The following BLK variants were observed in gnomAD, a reference collection of about 807,000 sequenced individuals.
BLK encodes the protein tyrosine-protein kinase Blk.
Under a neutral mutation model 61.8 loss-of-function variants are expected in BLK, and 64 were observed. The observed-to-expected ratio is 1.03, with a 90% CI of 0.85 to 1.27. The LOEUF (loss-of-function observed/expected upper bound fraction) is 1.27. BLK is among the 50% of genes most tolerant of loss of function. The pLI is 0.00. For missense variants in BLK, 853 were observed against 660.5 expected (o/e 1.29, Z -3.19); for synonymous variants, 351 against 272.0 (o/e 1.29, Z -2.86).
At chr8:11,534,981 C>G (rs1280228691) in intron 1 of BLK, among the ~76,000 whole-genome samples, 1 of 152,128 alleles carries the variant, frequency 6.6e-6, no homozygotes, top group Non-Finnish European at 1.5e-5. Context: ...CAAGACCAGC[C>G]TGGGCAACAT....
Position 11,550,266 on chromosome 8 carries a change from G to A in BLK, c.472+4G>A, listed in dbSNP as rs1800842978. ...AGAGAGAGTGAAACCAACAAAGGTA[G>A]GCTTGGTGGCTTTGCCTGCCTTCCT... On this transcript the variant is annotated splice_donor_region_variant and intron_variant, in intron 6 of 12. Transcript: ENST00000259089. 6.2e-7 allele frequency: 1 copy of A among 1,613,564 alleles called. No individual in the cohort carries two copies. Among genetic ancestry groups the A allele is most frequent in the Non-Finnish European group, 8.5e-7 (1 of 1,179,840 alleles).
At chr8:11,495,336 T>C (rs1585309193) in intron 1 of BLK, among the ~76,000 whole-genome samples, 1 of 152,136 alleles carries the variant, frequency 6.6e-6, no homozygotes, top group African/African-American at 2.4e-5. Context: ...ATTGCTGTGA[T>C]ATGTGCATAT....
At chr8:11,518,754 A>T (rs976772455) in intron 1 of BLK, among the ~76,000 whole-genome samples, 4 of 152,026 alleles carry the variant, frequency 2.6e-5, no homozygotes, top group Non-Finnish European at 5.9e-5. Flanking sequence ...ACCCTTCCCC[A>T]GCTGGTCTCT....
chr8:11,553,932 G>A (rs987118502), intron 6 of BLK, among the ~76,000 whole-genome samples: 1 of 152,126 alleles, frequency 6.6e-6, no homozygotes, highest in Admixed American at 6.5e-5. Context: ...CTGACCCCTG[G>A]CGGGGAGGCG....
intron 1 of BLK, among the ~76,000 whole-genome samples, chr8:11,522,637 TA>T (rs1799501032): frequency 7.2e-6 from 1 of 138,374 alleles, no homozygotes; most frequent in African/African-American, 2.7e-5. Flanking sequence ...AATGAATGAA[TA>T]AAAGGAAGTT....
rs146495994 is a variant in BLK at position 11,563,109 on chromosome 8, A to T, written c.1311A>T (p.Pro437=). The T allele has an allele frequency of 6.2e-7, 1 of 1,613,526 alleles. No individual in the cohort carries two copies. The highest frequency in any genetic ancestry group is 8.5e-7 in the Non-Finnish European group (1 of 1,180,002). The change falls in exon 12 of 13, where the codon CCA becomes CCT. Residue 437 remains proline (P), a splice_region_variant and synonymous_variant. Transcript: ENST00000259089. ...TCACTTATGGGCGGGTGCCATACCC[A>T]GGTAGGTGGCTCACCCCGCAGCTCG... ...EVVTYGRVPY[P]GMSNPEVIRN...
chr8:11,499,221 G>C (rs970196117), intron 1 of BLK, among the ~76,000 whole-genome samples: 1 of 152,192 alleles, frequency 6.6e-6, no homozygotes, highest in Non-Finnish European at 1.5e-5. Flanking sequence ...GCAGTATTTA[G>C]TACAGTCGCA....
intron 6 of BLK, chr8:11,552,907 T>C (rs1800976832): frequency 6.5e-6 from 1 of 152,716 alleles, no homozygotes; most frequent in African/African-American, 2.4e-5. Context: ...CATGCACACA[T>C]GAACACACAT....
chr8:11,512,662 G>C (rs58745588), intron 1 of BLK, among the ~76,000 whole-genome samples: 3 of 149,904 alleles, frequency 2.0e-5, no homozygotes, highest in African/African-American at 7.6e-5. Context: ...GGTTTTGTTT[G>C]TTTGTTTGTT....
At chr8:11,546,137 C>A in intron 3 of BLK, 34 bp downstream of exon 3, 1 of 1,611,826 alleles carries the variant, frequency 6.2e-7, no homozygotes, top group Non-Finnish European at 8.5e-7. Flanking sequence ...TGAGGCTCCA[C>A]AGCCCTCTCC....
intron 10 of BLK, chr8:11,558,719 C>G (rs1252129514): frequency 4.4e-6 from 2 of 456,162 alleles, no homozygotes; most frequent in African/African-American, 4.0e-5. Context: ...GCCGAGAGCT[C>G]TAGCTGGCAG....
At chr8:11,561,054 C>T (rs752194330) in intron 10 of BLK, 60 of 664,732 alleles carry the variant, frequency 9.0e-5, no homozygotes, top group Admixed American at 1.4e-4. Flanking sequence ...CTGTGTGGAG[C>T]GAGAACGAGG....
At chr8:11,537,361 G>C (rs1430727429) in intron 1 of BLK, among the ~76,000 whole-genome samples, 1 of 152,180 alleles carries the variant, frequency 6.6e-6, no homozygotes, top group Non-Finnish European at 1.5e-5. Flanking sequence ...CCCAGGGTGA[G>C]TCCCAGCTTT....
intron 1 of BLK, among the ~76,000 whole-genome samples, chr8:11,534,738 T>G (rs1292363377): frequency 1.3e-5 from 2 of 152,194 alleles, no homozygotes; most frequent in East Asian, 3.8e-4. Flanking sequence ...AAGTCACAGG[T>G]TGGCATTGCT....
chr8:11,514,508 G>A (rs901731376), intron 1 of BLK, among the ~76,000 whole-genome samples: 1 of 152,214 alleles, frequency 6.6e-6, no homozygotes, highest in Non-Finnish European at 1.5e-5. Flanking sequence ...CTTCTTGCAC[G>A]CTGAGCTCTG....
In BLK at chr8:11,561,485, A is replaced by G. The variant is rs758190809; in HGVS notation, c.1180+33A>G. 5.0e-6 allele frequency: 8 copies of G among 1,609,294 alleles called. No homozygotes were observed. The East Asian group carries it at 1.6e-4, about 31-fold the overall frequency. The stretch of plus-strand genomic sequence containing the variant: ...CAGCCCCTAACCACAAGGGAAACCT[A>G]GGGCCTTATCTTTCCCAGCTCCTCA... On this transcript the variant is annotated intron_variant, in intron 11 of 12. Transcript: ENST00000259089.
chr8:11,523,218 CT>C (rs1338836671), intron 1 of BLK, among the ~76,000 whole-genome samples: 6 of 152,116 alleles, frequency 3.9e-5, no homozygotes, highest in African/African-American at 1.4e-4. Flanking sequence ...GAAATGATAG[CT>C]TTTACTGCAT....
intron 7 of BLK, 58 bp from the exon 8 acceptor site, chr8:11,555,274 A>C: frequency 6.2e-7 from 1 of 1,610,772 alleles, no homozygotes; most frequent in East Asian, 2.2e-5. Context: ...TACAGCTCCC[A>C]AGGTAGAGCC....
At position 11,550,960 on chromosome 8, in the gene BLK, C is replaced by T. The variant is rs1235052684; in HGVS notation, c.472+698C>T. On this transcript the variant is annotated intron_variant, in intron 6 of 12. Transcript: ENST00000259089. ...GTGTAATGACAGCCAAGAGAAAGAG[C>T]ATCCCAGACCACCAGGAGCCCCCTC... 3.3e-5 allele frequency among the ~76,000 whole-genome samples: 5 copies of T among 152,130 alleles called. No individual in the cohort carries two copies. In the South Asian group the frequency reaches 1.0e-3, roughly 32 times the overall value.
Sources: gnomAD v4.1 joint callset for allele counts (sites outside exome capture counted in the v4.1 genomes callset) on GRCh38, gnomAD v4.1.1 for gene constraint, MANE v1.5 for transcripts, NCBI Gene and HGNC (gene_info 2026-07-23, HGNC 2026-07-21) for gene names.